The following PLEKHD1 variants were observed in gnomAD, a reference collection of about 807,000 sequenced individuals.
PLEKHD1 encodes pleckstrin homology and coiled-coil domain containing D1.
Under a neutral mutation model 69.2 loss-of-function variants are expected in PLEKHD1, and 51 were observed. That is an observed-to-expected ratio of 0.74 (90% CI 0.59 to 0.93). PLEKHD1 has a LOEUF of 0.93. Ranked by LOEUF, PLEKHD1 falls within the 40% of genes least tolerant of loss-of-function variation. The probability of loss-of-function intolerance (pLI) is 0.00; values close to 1 mark genes in which losing one functional copy is unlikely to be tolerated. For synonymous variants in PLEKHD1, 236 were observed against 244.7 expected (o/e 0.96, Z 0.33); for missense variants, 584 against 641.0 (o/e 0.91, Z 0.96).
rs1883641449 is a variant in PLEKHD1 at position 69,526,097 on chromosome 14, G to A, written c.898G>A (p.Glu300Lys). 2 of 1,551,168 alleles carry A rather than the reference G, an allele frequency of 1.3e-6. No individual in the cohort carries two copies. Among genetic ancestry groups the A allele is most frequent in the Non-Finnish European group, 8.7e-7 (1 of 1,146,842 alleles). ...QIEEKMQQLLEEKLLAEKRMK... is the reference protein window; with the variant it reads ...QIEEKMQQLLKEKLLAEKRMK... ...CGAGGAGAAGATGCAGCAGCTCTTA[G>A]AGGAGAAGCTCCTGGCAGAGAAGCG... The change falls in exon 9 of 13, where the codon GAG becomes AAG. Residue 300 changes from glutamate (E) to lysine (K), a missense_variant. Transcript: ENST00000322564.
rs1025955740 is a variant in PLEKHD1, at chr14:69,526,848, G to A, written c.1056+19G>A. The A allele has an allele frequency of 2.6e-6, 4 of 1,516,126 alleles. No individual in the cohort carries two copies. The highest frequency in any genetic ancestry group is 3.5e-6 in the Non-Finnish European group (4 of 1,131,048). The allele number at this position is 1,516,126 out of a possible 1,614,324, so 93.9% of individuals were successfully genotyped here. On this transcript the variant is annotated intron_variant, in intron 10 of 12. Transcript: ENST00000322564. ...GCTCAAGGTGCGACCTGGCCTGCTG[G>A]TGCCAGGGCCCTTCCCCTTCCCTGG... is the stretch of plus-strand genomic sequence containing the variant.
intron 6 of PLEKHD1, among the ~76,000 whole-genome samples, chr14:69,521,058 G>A (rs1883503274): frequency 6.6e-6 from 1 of 152,216 alleles, no homozygotes; most frequent in South Asian, 2.1e-4. Context: ...CTTGAGCTTG[G>A]GAGTTCAAGG....
chr14:69,497,645 C>T (rs923715397), intron 1 of PLEKHD1, among the ~76,000 whole-genome samples: 8 of 152,172 alleles, frequency 5.3e-5, no homozygotes, highest in African/African-American at 1.4e-4. Flanking sequence ...ACAGTGAGCT[C>T]GGCAGTTGAC....
chr14:69,503,709 A>AAAT (rs1883086133), intron 6 of PLEKHD1: 1 of 148,228 alleles, frequency 6.7e-6, no homozygotes, highest in African/African-American at 2.5e-5. Flanking sequence ...AAAAAAAAAA[A>AAAT]AAAAATAAGC....
intron 6 of PLEKHD1, among the ~76,000 whole-genome samples, chr14:69,513,552 G>T (rs1346467697): frequency 6.6e-6 from 1 of 152,170 alleles, no homozygotes; most frequent in East Asian, 1.9e-4. Context: ...TGTTACAGGT[G>T]CATACTATTA....
At chr14:69,497,293 C>G (rs943776065) in intron 1 of PLEKHD1, among the ~76,000 whole-genome samples, 1 of 152,262 alleles carries the variant, frequency 6.6e-6, no homozygotes, top group South Asian at 2.1e-4. Context: ...TGTCAGGTCT[C>G]TCTGATGCCA....
In PLEKHD1 at chr14:69,515,069, A is replaced by G. The variant is rs1275735; in HGVS notation, c.556-7214A>G. ...AAAAATTAGCTTGGTGTGGTGGTGC[A>G]TGCCTGTAGTCCCAGCTACATGGAA... On this transcript the variant is annotated intron_variant, in intron 6 of 12. Coordinates refer to ENST00000322564, the MANE Select transcript of PLEKHD1 (RefSeq NM_001161498.2). Among the ~76,000 whole-genome samples the G allele has an allele frequency of 7.5e-3, 1,149 of 152,238 alleles. 14 individuals are homozygous for G. Among genetic ancestry groups the G allele is most frequent in the African/African-American group, 0.026 (1,093 of 41,546 alleles).
chr14:69,501,022 C>T, intron 4 of PLEKHD1, 75 bp downstream of exon 4: 3 of 1,411,780 alleles, frequency 2.1e-6, no homozygotes, highest in South Asian at 2.5e-5. Context: ...AACTCCCTGC[C>T]TCTCTGCTGG....
At chr14:69,477,783 C>G in the PLEKHD1 span, among the ~76,000 whole-genome samples, 3 of 152,236 alleles carry the variant, frequency 2.0e-5, no homozygotes, top group Admixed American at 2.0e-4. Context: ...TAGTCTTAGG[C>G]AGCTCCGCCC....
chr14:69,496,443 G>A (rs1882889081), intron 1 of PLEKHD1, among the ~76,000 whole-genome samples: 1 of 152,198 alleles, frequency 6.6e-6, no homozygotes, highest in Non-Finnish European at 1.5e-5. Flanking sequence ...TCTGATGAGG[G>A]CACCTGTTCC....
chr14:69,487,223 A>ACG lies in PLEKHD1; in HGVS notation c.149+2111_149+2112dup, dbSNP rs1337900056. Among the ~76,000 whole-genome samples the ACG allele has an allele frequency of 2.7e-5, 4 of 149,490 alleles. No individual in the cohort carries two copies. In the East Asian group the frequency reaches 5.9e-4, roughly 22 times the overall value. ...CACACACACACACACACACACACAC[A>ACG]CGCTATTTAGTCTTGGGTCAGTGAC... On this transcript the variant is annotated intron_variant, in intron 1 of 12. Transcript: ENST00000322564.
the PLEKHD1 span, among the ~76,000 whole-genome samples, chr14:69,469,895 T>C: frequency 6.6e-6 from 1 of 151,914 alleles, no homozygotes; most frequent in Non-Finnish European, 1.5e-5. Context: ...CTAATTTTTG[T>C]ATTTTTAGTA....
intron 6 of PLEKHD1, among the ~76,000 whole-genome samples, chr14:69,505,409 G>A (rs1883128312): frequency 6.6e-6 from 1 of 152,180 alleles, no homozygotes; most frequent in African/African-American, 2.4e-5. Flanking sequence ...AGATTGTCTG[G>A]GTGTGCCTTG....
At chr14:69,502,903 C>T in intron 6 of PLEKHD1, 24 bp downstream of exon 6, 1 of 1,551,476 alleles carries the variant, frequency 6.4e-7, no homozygotes, top group Non-Finnish European at 8.7e-7. Flanking sequence ...AAGGGGCTCT[C>T]AGCAGCCGTG....
At chr14:69,475,603 G>A in the PLEKHD1 span, among the ~76,000 whole-genome samples, 2 of 152,240 alleles carry the variant, frequency 1.3e-5, no homozygotes, top group Non-Finnish European at 1.5e-5. Flanking sequence ...GTGCCAGGGA[G>A]CTCAAGTGGA....
At chr14:69,493,047 G>A (rs138985722) in intron 1 of PLEKHD1, among the ~76,000 whole-genome samples, 9 of 152,322 alleles carry the variant, frequency 5.9e-5, no homozygotes, top group South Asian at 2.1e-4. Context: ...GATTACAGGC[G>A]TGAGCCACCA....
At chr14:69,516,909 G>T (rs1307491630) in intron 6 of PLEKHD1, among the ~76,000 whole-genome samples, 1 of 152,178 alleles carries the variant, frequency 6.6e-6, no homozygotes, top group East Asian at 1.9e-4. Context: ...GAGCTCAGGC[G>T]ATCCGCCTGT....
intron 3 of PLEKHD1, 89 bp from the exon 4 acceptor site, chr14:69,500,778 GGGAT>G: frequency 6.6e-7 from 1 of 1,517,980 alleles, no homozygotes. Context: ...TCAGCACCCA[GGGAT>G]GTGGGGTGGG....
At chr14:69,503,307 T>G in intron 6 of PLEKHD1, 1 of 228,470 alleles carries the variant, frequency 4.4e-6, no homozygotes, top group African/African-American at 2.3e-5. Context: ...CACAGCAGGC[T>G]AAGCACTGGC....
Sources: allele counts gnomAD v4.1 joint callset (sites outside exome capture counted in the v4.1 genomes callset), GRCh38; gene constraint gnomAD v4.1.1; transcripts MANE v1.5; gene names NCBI Gene and HGNC (gene_info 2026-07-23, HGNC 2026-07-21).